Variants in EVI5 observed in about 807,000 individuals in gnomAD.
The protein encoded by EVI5 is ecotropic viral integration site 5, also known as ecotropic viral integration site 5 protein homolog.
In EVI5, 73 loss-of-function variants were observed where a neutral mutation model predicts 112.0. The observed-to-expected ratio is 0.65, with a 90% CI of 0.54 to 0.79. EVI5 has a LOEUF of 0.79. EVI5 is among the 30% of genes least tolerant of loss of function. The pLI is 0.00. For synonymous variants in EVI5, 305 were observed against 319.9 expected (o/e 0.95, Z 0.50); for missense variants, 900 against 968.8 (o/e 0.93, Z 0.94).
intron 2 of EVI5, among the ~76,000 whole-genome samples, chr1:92,721,641 C>T (rs1279281031): frequency 6.6e-6 from 1 of 152,106 alleles, no homozygotes; most frequent in Non-Finnish European, 1.5e-5. Context: ...CAAACCTGTA[C>T]GTTGTGCACA....
intron 5 of EVI5, among the ~76,000 whole-genome samples, chr1:92,700,276 G>A (rs1207212750): frequency 6.6e-6 from 1 of 152,152 alleles, no homozygotes; most frequent in Non-Finnish European, 1.5e-5. Flanking sequence ...TTATAGGAGT[G>A]AGATATATAC....
intron 12 of EVI5, 142 bp from the exon 13 acceptor site, chr1:92,663,007 T>C: frequency 2.9e-6 from 1 of 339,038 alleles, no homozygotes; most frequent in Non-Finnish European, 4.6e-6. Context: ...TACGTAATCA[T>C]TAGCTAGCAG....
chr1:92,666,281 G>GAA (rs1664868919), intron 10 of EVI5, among the ~76,000 whole-genome samples: 1 of 151,646 alleles, frequency 6.6e-6, no homozygotes, highest in Non-Finnish European at 1.5e-5. Flanking sequence ...TCGTCTCTAT[G>GAA]AAAACTACAC....
At chr1:92,564,074 C>T (rs945947406) in intron 18 of EVI5, among the ~76,000 whole-genome samples, 1 of 152,122 alleles carries the variant, frequency 6.6e-6, no homozygotes, top group African/African-American at 2.4e-5. Context: ...CAGGCATGTG[C>T]CACCACGCCT....
chr1:92,605,915 G>A (rs1650271042), intron 17 of EVI5, among the ~76,000 whole-genome samples: 1 of 152,132 alleles, frequency 6.6e-6, no homozygotes, highest in East Asian at 1.9e-4. Context: ...TTCACGGACT[G>A]GCTTTCTTGA....
intron 9 of EVI5, among the ~76,000 whole-genome samples, chr1:92,679,530 T>A (rs190808721): frequency 2.6e-4 from 39 of 152,278 alleles, no homozygotes; most frequent in African/African-American, 9.1e-4. Context: ...TTCAATAAAC[T>A]TAATTTAAAA....
intron 2 of EVI5, among the ~76,000 whole-genome samples, chr1:92,706,673 G>A (rs1164379741): frequency 6.6e-6 from 1 of 152,290 alleles, no homozygotes; most frequent in South Asian, 2.1e-4. Context: ...AAGTGAATTC[G>A]TGGCATTCGT....
chr1:92,757,183 C>T (rs528909387), intron 1 of EVI5, among the ~76,000 whole-genome samples: 31 of 152,176 alleles, frequency 2.0e-4, no homozygotes, highest in South Asian at 4.2e-4. Flanking sequence ...ACAACAAATC[C>T]GTGTATGACA....
chr1:92,628,919 A>G (rs1419941137), intron 14 of EVI5, among the ~76,000 whole-genome samples: 4 of 152,204 alleles, frequency 2.6e-5, no homozygotes, highest in Non-Finnish European at 5.9e-5. Context: ...CTGGAAGCAG[A>G]AAAAAAGAGG....
intron 2 of EVI5, among the ~76,000 whole-genome samples, chr1:92,720,157 C>A (rs1218276525): frequency 6.6e-6 from 1 of 152,004 alleles, no homozygotes; most frequent in Non-Finnish European, 1.5e-5. Flanking sequence ...ACTTTCTTCA[C>A]AGAATTGGAA....
At chr1:92,593,100 T>G (rs181893222) in intron 18 of EVI5, among the ~76,000 whole-genome samples, 1 of 152,292 alleles carries the variant, frequency 6.6e-6, no homozygotes, top group East Asian at 1.9e-4. Flanking sequence ...TACCAAAGCC[T>G]GGCAGAGACA....
In EVI5 at chr1:92,567,690, T is replaced by C. The variant is rs540457775; in HGVS notation, c.2071-3953A>G. On this transcript the variant is annotated intron_variant, in intron 18 of 19. Coordinates refer to ENST00000684568, the MANE Select transcript of EVI5 (RefSeq NM_001350197.2). ...CTCTATGATTCACACACTGATGACA[T>C]TGCCTAAGTATGAATTTCTCAGAAC... Among the ~76,000 whole-genome samples the C allele has an allele frequency of 4.6e-5, 7 of 152,254 alleles. No individual in the cohort carries two copies. In the South Asian group the frequency reaches 6.2e-4, roughly 14 times the overall value.
chr1:92,788,819 A>G (rs1013826231), upstream of EVI5, among the ~76,000 whole-genome samples: 1 of 152,068 alleles, frequency 6.6e-6, no homozygotes, highest in South Asian at 2.1e-4. Context: ...AACAAAAAAA[A>G]CCCCATAAAA....
intron 19 of EVI5, among the ~76,000 whole-genome samples, chr1:92,557,778 G>A (rs1667908298): frequency 6.6e-6 from 1 of 151,596 alleles, no homozygotes; most frequent in South Asian, 2.1e-4. Flanking sequence ...AGGCTGGGGT[G>A]CAGTGGTGTG....
At chr1:92,742,461 T>C (rs1192653080) in intron 1 of EVI5, among the ~76,000 whole-genome samples, 1 of 151,724 alleles carries the variant, frequency 6.6e-6, no homozygotes, top group Non-Finnish European at 1.5e-5. Flanking sequence ...TCACCTGAGG[T>C]CAGGAGTTCG....
intron 16 of EVI5, among the ~76,000 whole-genome samples, chr1:92,609,104 G>A (rs982332035): frequency 6.6e-6 from 1 of 152,188 alleles, no homozygotes; most frequent in African/African-American, 2.4e-5. Flanking sequence ...ACTCAGGTAT[G>A]ACCCAGCCAG....
At chr1:92,790,489 A>G (rs892967684) in intron 1 of EVI5, among the ~76,000 whole-genome samples, 1 of 151,232 alleles carries the variant, frequency 6.6e-6, no homozygotes, top group African/African-American at 2.4e-5. Flanking sequence ...CTCCATTTCA[A>G]CTCCTACTAA....
At chr1:92,532,030 T>C (rs1370090458) in intron 19 of EVI5, among the ~76,000 whole-genome samples, 1 of 152,154 alleles carries the variant, frequency 6.6e-6, no homozygotes, top group Non-Finnish European at 1.5e-5. Flanking sequence ...GTGTGCTGTA[T>C]TCAGGAGACT....
chr1:92,716,729 G>T lies in EVI5; in HGVS notation c.150-11985C>A, dbSNP rs145559061. Among the ~76,000 whole-genome samples the T allele has an allele frequency of 4.2e-3, 633 of 152,036 alleles. 3 individuals are homozygous for T. Among genetic ancestry groups the T allele is most frequent in the African/African-American group, 0.015 (612 of 41,428 alleles). On this transcript the variant is annotated intron_variant, in intron 2 of 19. Transcript: ENST00000684568. Reference sequence around the variant, plus strand: ...AAGGAAGCTAAAAACCCTGAAAAAAGATTAGACGAATGGCTAACTAGAATA... The same window carrying T: ...AAGGAAGCTAAAAACCCTGAAAAAATATTAGACGAATGGCTAACTAGAATA...
Sources: gnomAD v4.1 joint callset for allele counts (sites outside exome capture counted in the v4.1 genomes callset) on GRCh38, gnomAD v4.1.1 for gene constraint, MANE v1.5 for transcripts, NCBI Gene and HGNC (gene_info 2026-07-23, HGNC 2026-07-21) for gene names.